The following OOSP4B variants were observed in gnomAD, a reference collection of about 807,000 sequenced individuals.
The protein encoded by OOSP4B is oocyte-secreted protein 4B.
At chr11:60,023,046 T>C (rs1274486702) in intron 1 of OOSP4B, among the ~76,000 whole-genome samples, 1 of 152,248 alleles carries the variant, frequency 6.6e-6, no homozygotes, top group African/African-American at 2.4e-5. Context: ...AGCATTTAAG[T>C]TCTAGGCAGT....
At chr11:60,020,264 T>C (rs1275895066) in intron 1 of OOSP4B, among the ~76,000 whole-genome samples, 1 of 152,184 alleles carries the variant, frequency 6.6e-6, no homozygotes. Flanking sequence ...CCCGCACTCC[T>C]CAGCCCTTGG....
chr11:60,019,233 TA>T (rs560313843), intron 1 of OOSP4B, among the ~76,000 whole-genome samples: 4 of 148,952 alleles, frequency 2.7e-5, no homozygotes, highest in South Asian at 4.3e-4. Context: ...AGAAAAAAAA[TA>T]AAAAAAAATA....
chr11:60,026,061 T>C (rs1854744028), intron 3 of OOSP4B, among the ~76,000 whole-genome samples: 1 of 152,200 alleles, frequency 6.6e-6, no homozygotes, highest in Admixed American at 6.5e-5. Context: ...GTGGTCTTCA[T>C]ATCTTAAAGA....
intron 3 of OOSP4B, among the ~76,000 whole-genome samples, chr11:60,026,640 C>A (rs920623166): frequency 6.6e-6 from 1 of 152,186 alleles, no homozygotes; most frequent in African/African-American, 2.4e-5. Context: ...CAAGGAATGA[C>A]TTGAAATCAG....
At chr11:60,020,117 T>C (rs899162679) in intron 1 of OOSP4B, among the ~76,000 whole-genome samples, 33 of 152,214 alleles carry the variant, frequency 2.2e-4, no homozygotes, top group African/African-American at 7.5e-4. Flanking sequence ...AGAGTGCCGA[T>C]TGGTGTATTT....
chr11:60,018,462 G>A (rs192408469), intron 1 of OOSP4B, among the ~76,000 whole-genome samples: 2 of 152,318 alleles, frequency 1.3e-5, no homozygotes, highest in Non-Finnish European at 2.9e-5. Flanking sequence ...GTGAGGCTGA[G>A]TTGAGAAACC....
intron 3 of OOSP4B, among the ~76,000 whole-genome samples, chr11:60,028,436 G>A (rs866604777): frequency 1.1e-4 from 16 of 152,210 alleles, no homozygotes; most frequent in African/African-American, 3.6e-4. Flanking sequence ...AAAGTGGTAG[G>A]ATTACAGGAA....
At chr11:60,022,307 G>A (rs75123977) in intron 1 of OOSP4B, 12 of 152,296 alleles carry the variant, frequency 7.9e-5, no homozygotes, top group African/African-American at 2.9e-4. Context: ...TAGTCCTGCT[G>A]CTATGAGGTA....
intron 3 of OOSP4B, among the ~76,000 whole-genome samples, chr11:60,027,107 A>T (rs1028171977): frequency 6.6e-6 from 1 of 152,144 alleles, no homozygotes; most frequent in African/African-American, 2.4e-5. Flanking sequence ...GGTACTGGGC[A>T]TAGTCCCCAG....
intron 1 of OOSP4B, chr11:60,019,602 G>A (rs968368652): frequency 1.3e-5 from 2 of 152,724 alleles, no homozygotes; most frequent in African/African-American, 4.8e-5. Flanking sequence ...AGCTCTTAAG[G>A]CAGCGCGTCT....
At chr11:60,029,037 T>A (rs1161002507) in intron 3 of OOSP4B, among the ~76,000 whole-genome samples, 1 of 152,240 alleles carries the variant, frequency 6.6e-6, no homozygotes, top group Non-Finnish European at 1.5e-5. Context: ...AAGGCTATTA[T>A]GCCTTATCTA....
At chr11:60,025,181 T>C (rs1854735713) in intron 3 of OOSP4B, among the ~76,000 whole-genome samples, 176 bp downstream of exon 3, 1 of 152,226 alleles carries the variant, frequency 6.6e-6, no homozygotes, top group South Asian at 2.1e-4. Flanking sequence ...AATTTATATA[T>C]AGTACCTAGA....
chr11:60,019,388 T>A, intron 1 of OOSP4B: 1 of 178,802 alleles, frequency 5.6e-6, no homozygotes, highest in Non-Finnish European at 1.2e-5. Flanking sequence ...GTGGTGCATG[T>A]GTGTCCGGAA....
intron 1 of OOSP4B, among the ~76,000 whole-genome samples, chr11:60,022,693 A>G (rs966837186): frequency 2.0e-5 from 3 of 151,906 alleles, no homozygotes; most frequent in Admixed American, 1.3e-4. Context: ...ATTAAAATTC[A>G]TACTGAAGAC....
intron 1 of OOSP4B, among the ~76,000 whole-genome samples, chr11:60,023,187 C>T (rs2134625179): frequency 6.6e-6 from 1 of 152,340 alleles, no homozygotes; most frequent in South Asian, 2.1e-4. Flanking sequence ...ACTAACCTCT[C>T]TGTGGATTTT....
chr11:60,017,648 G>T (rs1001960571), intron 1 of OOSP4B, among the ~76,000 whole-genome samples: 1 of 152,018 alleles, frequency 6.6e-6, no homozygotes, highest in Non-Finnish European at 1.5e-5. Flanking sequence ...CATAAACTGT[G>T]CTCAGTCTTC....
chr11:60,026,952 G>A (rs1565049932), intron 3 of OOSP4B, among the ~76,000 whole-genome samples: 1 of 152,160 alleles, frequency 6.6e-6, no homozygotes, highest in Non-Finnish European at 1.5e-5. Flanking sequence ...AAACATTCAT[G>A]TTGATCTTAA....
At chr11:60,021,042 T>C (rs1002403324) in intron 1 of OOSP4B, among the ~76,000 whole-genome samples, 1 of 152,228 alleles carries the variant, frequency 6.6e-6, no homozygotes, top group Admixed American at 6.5e-5. Context: ...GTATTAGTTA[T>C]ATAAAAATTG....
chr11:60,017,876 A>G (rs1854642578), intron 1 of OOSP4B, among the ~76,000 whole-genome samples: 1 of 152,216 alleles, frequency 6.6e-6, no homozygotes, highest in South Asian at 2.1e-4. Flanking sequence ...AATGAAAATT[A>G]TATAGAGAGT....
Sources: gnomAD v4.1 joint callset for allele counts (sites outside exome capture counted in the v4.1 genomes callset) on GRCh38, gnomAD v4.1.1 for gene constraint, MANE v1.5 for transcripts, NCBI Gene and HGNC (gene_info 2026-07-23, HGNC 2026-07-21) for gene names.